Variants in PRKDC observed in about 807,000 individuals in gnomAD.
PRKDC encodes protein kinase, DNA-activated, catalytic subunit, also known as DNA-dependent protein kinase catalytic subunit.
In PRKDC, 82 loss-of-function variants were observed where a neutral mutation model predicts 486.9. The ratio of observed to expected loss-of-function variants is 0.17; its 90% CI spans 0.14 to 0.20. The LOEUF (loss-of-function observed/expected upper bound fraction) is 0.20, where lower values mean the gene tolerates loss of function less well. PRKDC is among the 10% of genes least tolerant of loss of function. PRKDC has a pLI of 1.00. For synonymous variants in PRKDC, 1,895 were observed against 1,837.0 expected (o/e 1.03, Z -0.81); for missense variants, 4,504 against 5,038.2 (o/e 0.89, Z 3.21).
In PRKDC at chr8:47,882,566, C is replaced by T. The variant is rs544401537; in HGVS notation, c.4777-469G>A. On this transcript the variant is annotated intron_variant, in intron 36 of 85. Coordinates refer to ENST00000314191, the MANE Select transcript of PRKDC (RefSeq NM_006904.7). ...AAGCACATACTTCCGGTCCCACCAC[C>T]ACCATACAGGCACACACTAGCACAC... Among the ~76,000 whole-genome samples, 13 of 152,324 alleles carry T rather than the reference C, an allele frequency of 8.5e-5. No homozygotes were observed. In the East Asian group the frequency reaches 1.5e-3, roughly 18 times the overall value.
In PRKDC at chr8:47,890,354, T is replaced by G; in HGVS notation, c.3974A>C (p.Gln1325Pro). 1 of 1,613,520 alleles carries G rather than the reference T, an allele frequency of 6.2e-7. No individual in the cohort carries two copies. The highest frequency in any genetic ancestry group is 8.5e-7 in the Non-Finnish European group (1 of 1,179,756). ...GCTGTAGTTGTACCTTTCTCCCTCT[T>G]GTGGGCTTGTTCTGTTACCTGCTGC... ...TGAAGNRTSPQEGERYNYSKC... is the reference protein window; with the variant it reads ...TGAAGNRTSPPEGERYNYSKC... Residue 1325 changes from glutamine (Q) to proline (P), a missense_variant, in exon 32 of 86, where the codon CAA becomes CCA. Gln to Pro is a moderately conservative substitution (Grantham distance 76). Around this residue, in one of 6 missense-constraint regions of PRKDC, gnomAD observed 1,969 missense variants for 2,068.9 expected, o/e 0.95. Coordinates refer to ENST00000314191, the MANE Select transcript of PRKDC (RefSeq NM_006904.7).
intron 84 of PRKDC, 122 bp downstream of exon 84, chr8:47,777,564 C>T: frequency 2.7e-6 from 3 of 1,130,084 alleles, no homozygotes; most frequent in South Asian, 3.7e-5. Flanking sequence ...AAATGCTGTA[C>T]AAAATAATGT....
At chr8:47,932,069 TTTTG>T (rs376630854) in intron 16 of PRKDC, among the ~76,000 whole-genome samples, 10,292 of 149,742 alleles carry the variant, frequency 0.069, 539 homozygotes, top group Admixed American at 0.18. Flanking sequence ...TTTTTTTGTA[TTTTG>T]TTTGTTTGTT....
rs1053040038 is a variant in PRKDC at position 47,851,058 on chromosome 8, C to T, written c.7006-1555G>A. Among the ~76,000 whole-genome samples, 7 of 152,344 alleles carry T rather than the reference C, an allele frequency of 4.6e-5. No individual in the cohort carries two copies. The South Asian group carries it at 1.4e-3, about 32-fold the overall frequency. ...CTCCTGACCTCAAGTGATCTGCCTG[C>T]CTTGGCCTCCCAAAGTGCCGGGATT... On this transcript the variant is annotated intron_variant, in intron 52 of 85. Transcript: ENST00000314191.
chr8:47,796,134 C>T (rs2154498052), intron 73 of PRKDC, among the ~76,000 whole-genome samples: 1 of 152,002 alleles, frequency 6.6e-6, no homozygotes, highest in East Asian at 1.9e-4. Context: ...ACCTCATGAT[C>T]CGCCCACCTC....
At chr8:47,786,588 A>G (rs1317685164) in intron 76 of PRKDC, among the ~76,000 whole-genome samples, 2 of 152,156 alleles carry the variant, frequency 1.3e-5, no homozygotes, top group Non-Finnish European at 2.9e-5. Flanking sequence ...AAATAAAGGA[A>G]GTAGTTCAAT....
chr8:47,944,136 T>C, intron 7 of PRKDC, 107 bp from the exon 8 acceptor site: 1 of 932,918 alleles, frequency 1.1e-6, no homozygotes, highest in Non-Finnish European at 1.7e-6. Context: ...TCTTGTGAAT[T>C]CAGGAGAAAC....
At chr8:47,788,794 A>G in intron 76 of PRKDC, 112 bp downstream of exon 76, 1 of 1,084,798 alleles carries the variant, frequency 9.2e-7, no homozygotes, top group Non-Finnish European at 1.2e-6. Flanking sequence ...TTAAATGCAG[A>G]ACTGTTAAAT....
intron 80 of PRKDC, 123 bp from the exon 81 acceptor site, chr8:47,779,216 T>C: frequency 1.5e-6 from 1 of 672,500 alleles, no homozygotes; most frequent in Non-Finnish European, 2.5e-6. Flanking sequence ...AATAAGACTT[T>C]TAACCATATT....
chr8:47,918,681 TG>T (rs1032783661), intron 21 of PRKDC, among the ~76,000 whole-genome samples: 2 of 152,138 alleles, frequency 1.3e-5, no homozygotes, highest in Non-Finnish European at 2.9e-5. Context: ...TGGGACAATG[TG>T]GGCTTCAAAA....
intron 54 of PRKDC, among the ~76,000 whole-genome samples, chr8:47,847,929 C>T (rs2088309826): frequency 6.6e-6 from 1 of 150,954 alleles, no homozygotes; most frequent in Non-Finnish European, 1.5e-5. Context: ...CAGAGAAATG[C>T]AAATGAGATA....
At chr8:47,914,163 C>G in intron 23 of PRKDC, 99 bp from the exon 24 acceptor site, 1 of 1,086,010 alleles carries the variant, frequency 9.2e-7, no homozygotes, top group Non-Finnish European at 1.2e-6. Flanking sequence ...AGCTGTTCTA[C>G]ATTCTATTAA....
chr8:47,937,106 A>C (rs2090366355), intron 11 of PRKDC, among the ~76,000 whole-genome samples: 1 of 150,320 alleles, frequency 6.7e-6, no homozygotes, highest in African/African-American at 2.4e-5. Context: ...AAAAAAAAAA[A>C]AAAAATTGGC....
chr8:47,783,712 A>G, intron 78 of PRKDC, 30 bp downstream of exon 78: 2 of 1,611,714 alleles, frequency 1.2e-6, no homozygotes, highest in Non-Finnish European at 1.7e-6. Context: ...TCATCAGGAC[A>G]GGGACTGGGT....
At chr8:47,921,260 A>C (rs1366210387) in intron 21 of PRKDC, among the ~76,000 whole-genome samples, 1 of 152,152 alleles carries the variant, frequency 6.6e-6, no homozygotes, top group Non-Finnish European at 1.5e-5. Flanking sequence ...ATCTCAAAAA[A>C]AAAAGAAAAA....
At chr8:47,912,067 G>GC (rs1311424204) in intron 25 of PRKDC, among the ~76,000 whole-genome samples, 1 of 152,010 alleles carries the variant, frequency 6.6e-6, no homozygotes, top group Non-Finnish European at 1.5e-5. Flanking sequence ...CACCGCGCGC[G>GC]GCCCATGGTT....
In PRKDC at chr8:47,936,493, C is replaced by T; in HGVS notation, c.1138G>A (p.Asp380Asn). 2 of 1,614,022 alleles carry T rather than the reference C, an allele frequency of 1.2e-6. No individual in the cohort carries two copies. The highest frequency in any genetic ancestry group is 1.7e-6 in the Non-Finnish European group (2 of 1,179,902). Residue 380 changes from aspartate (D) to asparagine (N), a missense_variant, in exon 12 of 86, where the codon GAT (aspartate) becomes AAT (asparagine). By Grantham distance (23) the Asp-to-Asn change is conservative (BLOSUM62 1). Around this residue, in one of 6 missense-constraint regions of PRKDC, gnomAD observed 1,969 missense variants for 2,068.9 expected, o/e 0.95. Coordinates refer to ENST00000314191, the MANE Select transcript of PRKDC (RefSeq NM_006904.7). ...AGPCKVINAK[D>N]VDFMYVELIQ... ...AGCTCAACGTACATGAAGTCAACAT[C>T]TTTTGCGTTTATAACCTTGCACGGC...
intron 73 of PRKDC, among the ~76,000 whole-genome samples, chr8:47,795,228 C>T (rs2086958929): frequency 7.4e-6 from 1 of 134,764 alleles, no homozygotes; most frequent in Admixed American, 7.7e-5. Context: ...GTCTCATTGT[C>T]ACCCAGGCTG....
chr8:47,903,960 G>A (rs1220756643), intron 26 of PRKDC, among the ~76,000 whole-genome samples: 1 of 152,036 alleles, frequency 6.6e-6, no homozygotes, highest in Non-Finnish European at 1.5e-5. Context: ...TCCCCTACCC[G>A]TAACATGACT....
Sources: allele counts gnomAD v4.1 joint callset (sites outside exome capture counted in the v4.1 genomes callset), GRCh38; gene constraint gnomAD v4.1.1; regional missense constraint gnomAD v4.1.1; transcripts MANE v1.5; gene names NCBI Gene and HGNC (gene_info 2026-07-23, HGNC 2026-07-21).